Variants in FAM107B observed in about 807,000 individuals in gnomAD.
FAM107B encodes family with sequence similarity 107 member B, also known as protein FAM107B.
FAM107B carries 21 observed loss-of-function variants against 31.5 expected under a neutral mutation model. The ratio of observed to expected loss-of-function variants is 0.67; its 90% confidence interval spans 0.47 to 0.96. The LOEUF is 0.96. Ranked by LOEUF, FAM107B falls within the 40% of genes least tolerant of loss-of-function variation. FAM107B has a pLI of 0.00. For synonymous variants in FAM107B, 157 were observed against 141.5 expected (o/e 1.11, Z -0.78); for missense variants, 452 against 377.1 (o/e 1.20, Z -1.64).
chr10:14,712,824 G>A (rs1372097855), intron 1 of FAM107B, among the ~76,000 whole-genome samples: 3 of 152,130 alleles, frequency 2.0e-5, no homozygotes, highest in African/African-American at 7.2e-5. Context: ...ACCCAGGAAG[G>A]GCCTTGTTTT....
chr10:14,526,227 G>A (rs1223217172), intron 3 of FAM107B, among the ~76,000 whole-genome samples: 1 of 152,164 alleles, frequency 6.6e-6, no homozygotes, highest in Non-Finnish European at 1.5e-5. Context: ...ATGCTGGAGT[G>A]CAGTGGCATG....
At chr10:14,563,122 C>G (rs1850381597) in intron 2 of FAM107B, among the ~76,000 whole-genome samples, 1 of 152,170 alleles carries the variant, frequency 6.6e-6, no homozygotes, top group African/African-American at 2.4e-5. Context: ...CAAATAAAAA[C>G]TTGAGGGAGA....
intron 2 of FAM107B, among the ~76,000 whole-genome samples, chr10:14,583,749 A>C (rs1351038457): frequency 6.6e-6 from 1 of 152,114 alleles, no homozygotes; most frequent in Non-Finnish European, 1.5e-5. Flanking sequence ...CTACAGGGAA[A>C]AAGGAAAAGA....
chr10:14,593,452 CG>C (rs1163416285), intron 2 of FAM107B, among the ~76,000 whole-genome samples: 9 of 152,052 alleles, frequency 5.9e-5, no homozygotes, highest in African/African-American at 1.2e-4. Flanking sequence ...CTGAGGTGGG[CG>C]GATCACTTGA....
intron 2 of FAM107B, among the ~76,000 whole-genome samples, chr10:14,551,178 A>ATTTTG (rs112200753): frequency 2.6e-4 from 40 of 152,102 alleles, no homozygotes; most frequent in African/African-American, 8.0e-4. Flanking sequence ...TTGGTTTATA[A>ATTTTG]TTTTGTTTTG....
Position 14,774,828 on chromosome 10 carries a change from G to T in FAM107B, c.-165C>A. The T allele has an allele frequency of 2.7e-6, 2 of 754,604 alleles. No homozygotes were observed. The highest frequency in any genetic ancestry group is 4.2e-6 in the Non-Finnish European group (2 of 479,922). The allele number at this position is 754,604 out of a possible 1,614,324, so 46.7% of individuals were successfully genotyped here. A position where few individuals can be genotyped will look rare whatever the true frequency, so the allele number is the denominator to read the frequency against. Reference sequence around the variant, plus strand: ...TTGGGATGGCAAGGCCACCTTCCCTGAGAGTCACTTAGCCGCTGGGGCCCC... The same window carrying T: ...TTGGGATGGCAAGGCCACCTTCCCTTAGAGTCACTTAGCCGCTGGGGCCCC... On this transcript the variant is annotated 5_prime_UTR_variant, in exon 1 of 5. Transcript: ENST00000181796.
At chr10:14,549,711 ATT>A (rs1849078784) in intron 2 of FAM107B, among the ~76,000 whole-genome samples, 2 of 152,184 alleles carry the variant, frequency 1.3e-5, no homozygotes, top group Non-Finnish European at 2.9e-5. Context: ...GAGACCGTTC[ATT>A]CACCACCGAC....
intron 2 of FAM107B, among the ~76,000 whole-genome samples, chr10:14,651,062 A>T (rs1853885602): frequency 6.6e-6 from 1 of 152,206 alleles, no homozygotes; most frequent in African/African-American, 2.4e-5. Flanking sequence ...ACGCTTCCTG[A>T]GACAACCTCC....
intron 1 of FAM107B, among the ~76,000 whole-genome samples, chr10:14,728,031 C>G (rs895280736): frequency 6.6e-6 from 1 of 152,166 alleles, no homozygotes; most frequent in African/African-American, 2.4e-5. Context: ...GTCTCTTATT[C>G]ACTGCCACCC....
chr10:14,572,761 T>TGTATATATATATATATATATATATA lies in FAM107B; in HGVS notation c.470-42247_470-42246insTATATATATATATATATATATATAC, dbSNP rs1466825381. On this transcript the variant is annotated intron_variant, in intron 2 of 4. Coordinates refer to ENST00000181796, the MANE Select transcript of FAM107B (RefSeq NM_031453.4). Reference sequence around the variant, plus strand: ...AATTTATATATATATATATATATATTAGAGTGTGTGTGTATATATGTTATG... The same window carrying TGTATATATATATATATATATATATA: ...AATTTATATATATATATATATATATTGTATATATATATATATATATATATAAGAGTGTGTGTGTATATATGTTATG... 4.4e-3 allele frequency among the ~76,000 whole-genome samples: 334 copies of TGTATATATATATATATATATATATA among 76,020 alleles called. 4 individuals are homozygous for TGTATATATATATATATATATATATA. Among genetic ancestry groups the TGTATATATATATATATATATATATA allele is most frequent in the East Asian group, 0.011 (29 of 2,570 alleles). The allele number at this position is 76,020 out of a possible 152,430, so 49.9% of individuals were successfully genotyped here. A position where few individuals can be genotyped will look rare whatever the true frequency, so the allele number is the denominator to read the frequency against.
At chr10:14,703,626 C>A (rs1015164623) in intron 1 of FAM107B, among the ~76,000 whole-genome samples, 14 of 152,176 alleles carry the variant, frequency 9.2e-5, no homozygotes, top group African/African-American at 1.9e-4. Flanking sequence ...TGAGCCACTG[C>A]GCCCAGCCCA....
chr10:14,521,364 C>T (rs1444174303), intron 4 of FAM107B, 58 bp from the exon 5 acceptor site: 5 of 1,373,766 alleles, frequency 3.6e-6, no homozygotes, highest in Non-Finnish European at 5.1e-6. Context: ...TTTCAAAATA[C>T]TCTTCTCTCT....
chr10:14,758,849 G>T (rs905747846), intron 1 of FAM107B, among the ~76,000 whole-genome samples: 3 of 143,892 alleles, frequency 2.1e-5, no homozygotes, highest in African/African-American at 7.8e-5. Context: ...ACTCCAGCCT[G>T]GGCAACAAAG....
At chr10:14,576,222 C>A (rs570282919) in intron 2 of FAM107B, among the ~76,000 whole-genome samples, 8 of 152,266 alleles carry the variant, frequency 5.3e-5, no homozygotes, top group African/African-American at 1.9e-4. Context: ...TATTTCACCA[C>A]GATTTTTTAA....
At chr10:14,584,781 G>A (rs1464331055) in intron 2 of FAM107B, among the ~76,000 whole-genome samples, 1 of 152,132 alleles carries the variant, frequency 6.6e-6, no homozygotes, top group African/African-American at 2.4e-5. Flanking sequence ...CACTCCCCTT[G>A]CAACCCCCAC....
chr10:14,526,121 C>T (rs902443486), intron 3 of FAM107B, among the ~76,000 whole-genome samples: 21 of 152,154 alleles, frequency 1.4e-4, no homozygotes, highest in East Asian at 1.9e-4. Flanking sequence ...AAACATCTCC[C>T]GGCCTAATTA....
intron 1 of FAM107B, among the ~76,000 whole-genome samples, chr10:14,692,146 C>A (rs1018234545): frequency 6.6e-6 from 1 of 152,018 alleles, no homozygotes; most frequent in African/African-American, 2.4e-5. Context: ...GGAAGGCAAT[C>A]GAGGGGAGCC....
chr10:14,570,233 G>GGGGTGTGTGTGTGTGTGTGTGTGTGT (rs1554835078), intron 2 of FAM107B, among the ~76,000 whole-genome samples: 48 of 140,426 alleles, frequency 3.4e-4, no homozygotes, highest in African/African-American at 1.1e-3. Flanking sequence ...AAATGTGGTG[G>GGGGTGTGTGTGTGTGTGTGTGTGTGT]GTGTGTGTGT....
chr10:14,567,358 G>A (rs1850762258), intron 2 of FAM107B, among the ~76,000 whole-genome samples: 2 of 152,148 alleles, frequency 1.3e-5, no homozygotes, highest in Non-Finnish European at 2.9e-5. Flanking sequence ...CCCGTGAGCT[G>A]TGGAAAGATA....
Sources: gnomAD v4.1 joint callset for allele counts (sites outside exome capture counted in the v4.1 genomes callset) on GRCh38, gnomAD v4.1.1 for gene constraint, MANE v1.5 for transcripts, NCBI Gene and HGNC (gene_info 2026-07-23, HGNC 2026-07-21) for gene names.